NCK2: variants seen among roughly 807,000 people sequenced by gnomAD.
NCK2 encodes cytoplasmic protein NCK2.
A neutral mutation model predicts 33.9 loss-of-function variants in NCK2; 16 were observed. The observed-to-expected ratio is 0.47, with a 90% CI of 0.32 to 0.72. The LOEUF (loss-of-function observed/expected upper bound fraction) is 0.72. Among genes scored for constraint, NCK2 ranks in the 30% least tolerant of loss-of-function variants. The pLI is 0.03. For missense variants in NCK2, 418 were observed against 537.3 expected (o/e 0.78, Z 2.19); for synonymous variants, 273 against 239.9 (o/e 1.14, Z -1.27).
intron 3 of NCK2, among the ~76,000 whole-genome samples, chr2:105,863,529 G>A (rs1677629192): frequency 6.6e-6 from 1 of 152,168 alleles, no homozygotes; most frequent in Non-Finnish European, 1.5e-5. Context: ...AGCCTGGTCA[G>A]ATGTTATTTC....
chr2:105,854,956 A>C, intron 2 of NCK2, 92 bp from the exon 3 acceptor site: 3 of 888,010 alleles, frequency 3.4e-6, no homozygotes, highest in Non-Finnish European at 5.4e-6. Context: ...AGTTGTAATA[A>C]AAGCTGTCAG....
At chr2:105,858,950 G>A (rs1677401754) in intron 3 of NCK2, among the ~76,000 whole-genome samples, 1 of 152,140 alleles carries the variant, frequency 6.6e-6, no homozygotes, top group African/African-American at 2.4e-5. Flanking sequence ...CAGATAACAG[G>A]GAACAATGAT....
chr2:105,848,001 CTTTCTGTTTAAGT>C (rs779869388), intron 2 of NCK2, among the ~76,000 whole-genome samples: 1 of 152,142 alleles, frequency 6.6e-6, no homozygotes, highest in African/African-American at 2.4e-5. Flanking sequence ...GTTGGCACAT[CTTTCTGTTTAAGT>C]TTTCTGTTTT....
chr2:105,770,143 GAA>G (rs1168851903), intron 1 of NCK2, among the ~76,000 whole-genome samples: 2 of 139,788 alleles, frequency 1.4e-5, no homozygotes, highest in Non-Finnish European at 3.1e-5. Flanking sequence ...AAAAAAAAAA[GAA>G]AAAGGTATAT....
At chr2:105,816,068 A>AG (rs35118881) in intron 1 of NCK2, among the ~76,000 whole-genome samples, 43,323 of 152,092 alleles carry the variant, frequency 0.28, 6,987 homozygotes, top group South Asian at 0.39. Flanking sequence ...AGGTGGGAAG[A>AG]GGGAGTACAT....
chr2:105,816,448 A>G lies in NCK2; in HGVS notation c.-182A>G, dbSNP rs960758269. ...TTTTTAGATTTCATGTGTTCTTTGT[A>G]TACAAGCGACGTCCCAGATTATAAT... On this transcript the variant is annotated 5_prime_UTR_variant, in exon 2 of 5. Transcript: ENST00000233154. 24 of 152,372 alleles carry G rather than the reference A, an allele frequency of 1.6e-4. No individual in the cohort carries two copies. The highest frequency in any genetic ancestry group is 5.5e-4 in the African/African-American group (23 of 41,582). The allele number at this position is 152,372 out of a possible 1,614,324, so 9.4% of individuals were successfully genotyped here. A position where few individuals can be genotyped will look rare whatever the true frequency, so the allele number is the denominator to read the frequency against.
chr2:105,770,126 A>T (rs1310904475), intron 1 of NCK2, among the ~76,000 whole-genome samples: 1 of 26,956 alleles, frequency 3.7e-5, no homozygotes, highest in African/African-American at 2.6e-4. Context: ...CTAATAAGTA[A>T]AAAAAAAAAA....
rs1573207897 is a variant in NCK2, at chr2:105,855,085, A to C, written c.22A>C (p.Ile8Leu). ...AAAGATGACAGAAGAAGTTATTGTG[A>C]TAGCCAAGTGGGACTACACCGCCCA... MTEEVIV[I>L]AKWDYTAQQD... The change falls in exon 3 of 5, where the codon ATA becomes CTA. Residue 8 changes from isoleucine to leucine, a missense_variant. Transcript: ENST00000233154. 1.2e-6 allele frequency: 2 copies of C among 1,614,086 alleles called. No individual in the cohort carries two copies. Among genetic ancestry groups the C allele is most frequent in the Non-Finnish European group, 1.7e-6 (2 of 1,180,038 alleles).
intron 4 of NCK2, among the ~76,000 whole-genome samples, chr2:105,888,792 AG>A (rs1322949343): frequency 6.6e-6 from 1 of 152,270 alleles, no homozygotes; most frequent in East Asian, 1.9e-4. Flanking sequence ...GAGTACATTC[AG>A]GCAGCCCTAC....
intron 2 of NCK2, among the ~76,000 whole-genome samples, chr2:105,847,882 T>A (rs987136289): frequency 6.6e-6 from 1 of 152,178 alleles, no homozygotes; most frequent in Admixed American, 6.5e-5. Flanking sequence ...AGCATTAGCA[T>A]TAGCCACACT....
At position 105,855,036 on chromosome 2, in the gene NCK2, T is replaced by C. The variant is rs1160415157; in HGVS notation, c.-16-12T>C. ...GTTCTCTAATGAGCATCTCCAAATGTTTTGCTGGCAGAAGGACTCCATGAA... is the reference window on the plus strand; with the variant it reads ...GTTCTCTAATGAGCATCTCCAAATGCTTTGCTGGCAGAAGGACTCCATGAA... On this transcript the variant is annotated splice_polypyrimidine_tract_variant and intron_variant, in intron 2 of 4. Coordinates refer to ENST00000233154, the MANE Select transcript of NCK2 (RefSeq NM_003581.5). The C allele has an allele frequency of 6.3e-7, 1 of 1,599,790 alleles. No individual in the cohort carries two copies. Among genetic ancestry groups the C allele is most frequent in the Non-Finnish European group, 8.6e-7 (1 of 1,167,060 alleles).
At chr2:105,806,323 C>T (rs530243823) in intron 1 of NCK2, among the ~76,000 whole-genome samples, 14 of 151,192 alleles carry the variant, frequency 9.3e-5, no homozygotes, top group Admixed American at 6.0e-4. Context: ...CTGCAAGCTC[C>T]GCCTCCCGGG....
intron 1 of NCK2, among the ~76,000 whole-genome samples, chr2:105,785,146 T>G (rs1389282851): frequency 6.6e-6 from 1 of 152,104 alleles, no homozygotes; most frequent in Non-Finnish European, 1.5e-5. Context: ...ACCTGGCTAA[T>G]TTTTTGTATT....
chr2:105,771,766 CGCTACTGGCA>C (rs1327192431), intron 1 of NCK2, among the ~76,000 whole-genome samples: 1 of 152,164 alleles, frequency 6.6e-6, no homozygotes, highest in African/African-American at 2.4e-5. Context: ...CTGGGTTGAC[CGCTACTGGCA>C]GCTTTTTCTA....
chr2:105,847,437 A>C (rs1298860449), intron 2 of NCK2: 1 of 152,078 alleles, frequency 6.6e-6, no homozygotes, highest in Non-Finnish European at 1.5e-5. Context: ...AATAATATGT[A>C]CTATAATTAC....
At chr2:105,847,067 A>T in intron 2 of NCK2, 1 of 152,206 alleles carries the variant, frequency 6.6e-6, no homozygotes. Flanking sequence ...TCACAAATAG[A>T]CGGACAAGTG....
intron 3 of NCK2, among the ~76,000 whole-genome samples, chr2:105,868,402 C>G (rs1052754603): frequency 5.9e-5 from 9 of 152,126 alleles, no homozygotes; most frequent in Non-Finnish European, 1.0e-4. Context: ...CTGGGGTGGC[C>G]TGCGTTCCTT....
At position 105,881,326 on chromosome 2, in the gene NCK2, A is replaced by G; in HGVS notation, c.227-2A>G. ...CCACTGAGCCTTGCTGTGTCTCCAC[A>G]GGCCTCGGCAAGACGCGCAGGAAGA... is the stretch of plus-strand genomic sequence containing the variant. On this transcript the variant is annotated splice_acceptor_variant, in intron 3 of 4. Transcript: ENST00000233154. LOFTEE classifies it high-confidence loss of function. The G allele has an allele frequency of 1.3e-6, 2 of 1,584,228 alleles. No individual in the cohort carries two copies. Among genetic ancestry groups the G allele is most frequent in the Non-Finnish European group, 1.7e-6 (2 of 1,168,342 alleles).
intron 3 of NCK2, among the ~76,000 whole-genome samples, chr2:105,873,462 A>G (rs1408780734): frequency 6.6e-6 from 1 of 152,214 alleles, no homozygotes; most frequent in Non-Finnish European, 1.5e-5. Flanking sequence ...CTTAGGAAAC[A>G]TGCACGCCAC....
Sources: allele counts gnomAD v4.1 joint callset (sites outside exome capture counted in the v4.1 genomes callset), GRCh38; gene constraint gnomAD v4.1.1; transcripts MANE v1.5; gene names NCBI Gene and HGNC (gene_info 2026-07-23, HGNC 2026-07-21).